MUCL1: variants seen among roughly 807,000 people sequenced by gnomAD.
MUCL1 encodes the protein mucin like 1.
MUCL1 carries 11 observed loss-of-function variants against 9.2 expected under a neutral mutation model. The observed-to-expected ratio is 1.19, with a 90% CI of 0.75 to 1.97. MUCL1 has a LOEUF of 1.97. Ranked by LOEUF, MUCL1 falls within the 30% of genes most tolerant of loss-of-function variation. The probability of loss-of-function intolerance (pLI) is 0.00; values close to 1 mark genes in which losing one functional copy is unlikely to be tolerated. For missense variants in MUCL1, 144 were observed against 110.9 expected (o/e 1.30, Z -1.34); for synonymous variants, 48 against 40.5 (o/e 1.19, Z -0.71).
upstream of MUCL1, among the ~76,000 whole-genome samples, chr12:54,854,093 A>T (rs1441736896): frequency 6.6e-6 from 1 of 152,178 alleles, no homozygotes; most frequent in East Asian, 1.9e-4. Context: ...TGGTCTTTGG[A>T]TCAGGCTGCT....
chr12:54,831,736 T>G (rs1959185692), intron 1 of MUCL1, among the ~76,000 whole-genome samples: 1 of 152,110 alleles, frequency 6.6e-6, no homozygotes, highest in Non-Finnish European at 1.5e-5. Flanking sequence ...ATAAAGAGAC[T>G]AAATATATTT....
At chr12:54,841,663 T>C (rs1216820124) in intron 1 of MUCL1, among the ~76,000 whole-genome samples, 1 of 152,206 alleles carries the variant, frequency 6.6e-6, no homozygotes, top group African/African-American at 2.4e-5. Flanking sequence ...TCTATTCAGA[T>C]TCTTTGTCTA....
chr12:54,832,483 A>AG (rs763912517), intron 1 of MUCL1, among the ~76,000 whole-genome samples: 28 of 152,060 alleles, frequency 1.8e-4, no homozygotes, highest in Admixed American at 1.1e-3. Flanking sequence ...AAAAGAGCTA[A>AG]GGGTTTTGTT....
At chr12:54,845,653 T>C (rs1257687057) in intron 1 of MUCL1, among the ~76,000 whole-genome samples, 1 of 152,138 alleles carries the variant, frequency 6.6e-6, no homozygotes, top group Non-Finnish European at 1.5e-5. Context: ...TTATGTGACC[T>C]GCAACTTGAG....
At chr12:54,840,825 C>A (rs1265115012) in intron 1 of MUCL1, among the ~76,000 whole-genome samples, 1 of 152,146 alleles carries the variant, frequency 6.6e-6, no homozygotes, top group Non-Finnish European at 1.5e-5. Flanking sequence ...GTAAACCCCA[C>A]CCAGCTCCCA....
intron 1 of MUCL1, among the ~76,000 whole-genome samples, chr12:54,848,375 T>C (rs756788767): frequency 3.9e-5 from 6 of 152,182 alleles, no homozygotes; most frequent in Non-Finnish European, 7.3e-5. Context: ...ATATGATTTT[T>C]GTGTGGAAGA....
At chr12:54,844,632 CT>C (rs1959233297) in intron 1 of MUCL1, among the ~76,000 whole-genome samples, 1 of 152,198 alleles carries the variant, frequency 6.6e-6, no homozygotes, top group Non-Finnish European at 1.5e-5. Flanking sequence ...TCTTACCTTT[CT>C]TTAGGCAAGA....
At chr12:54,855,500 AGCCAGTGTC>A in intron 2 of MUCL1, 1 of 272,088 alleles carries the variant, frequency 3.7e-6, no homozygotes, top group African/African-American at 2.2e-5. Flanking sequence ...CTGAATATAT[AGCCAGTGTC>A]AAAAAGAGAC....
chr12:54,857,457 C>G (rs931196523), intron 3 of MUCL1, among the ~76,000 whole-genome samples: 2 of 152,042 alleles, frequency 1.3e-5, no homozygotes, highest in African/African-American at 4.8e-5. Flanking sequence ...GTACATTCCT[C>G]CTATTCTGGG....
exon 1 of MUCL1, chr12:54,839,422 G>T (rs749097234): frequency 1.4e-6 from 1 of 702,040 alleles, no homozygotes; most frequent in Non-Finnish European, 2.6e-6. Context: ...GTGACCATGG[G>T]TATCAACTGG....
chr12:54,834,553 C>T (rs775860444), upstream of MUCL1, among the ~76,000 whole-genome samples: 2 of 151,862 alleles, frequency 1.3e-5, no homozygotes, highest in Admixed American at 6.6e-5. Flanking sequence ...GAAGTTGTTA[C>T]CACAATCCAA....
chr12:54,832,688 A>G lies in MUCL1; in HGVS notation n.357+1813A>G, dbSNP rs77658431. Among the ~76,000 whole-genome samples, 903 of 152,210 alleles carry G rather than the reference A, an allele frequency of 5.9e-3. 6 individuals carry two copies. Among genetic ancestry groups the G allele is most frequent in the African/African-American group, 0.02 (847 of 41,534 alleles). On this transcript the variant is annotated intron_variant and non_coding_transcript_variant, in intron 1 of 3. Transcript: ENST00000547990. ...CCTAAAACTGACTGAGACATCACAG[A>G]CGGCCCCTGGAAAATACCCAAGAGA...
At chr12:54,836,884 A>G (rs1959193678), upstream of MUCL1, among the ~76,000 whole-genome samples, 1 of 152,158 alleles carries the variant, frequency 6.6e-6, no homozygotes, top group Non-Finnish European at 1.5e-5. Flanking sequence ...ATGTATTTGT[A>G]TAGTTTTGAG....
chr12:54,835,671 G>C (rs1252435222), upstream of MUCL1, among the ~76,000 whole-genome samples: 1 of 150,138 alleles, frequency 6.7e-6, no homozygotes, highest in South Asian at 2.1e-4. Context: ...TCGTGGGAAT[G>C]CTTTCAACTT....
chr12:54,849,973 T>C (rs371458178), upstream of MUCL1, among the ~76,000 whole-genome samples: 3 of 152,164 alleles, frequency 2.0e-5, no homozygotes, highest in South Asian at 6.2e-4. Flanking sequence ...TTGCAGATTG[T>C]CTGCTTTCCC....
At chr12:54,848,308 G>A (rs1019009206) in intron 1 of MUCL1, among the ~76,000 whole-genome samples, 1 of 152,064 alleles carries the variant, frequency 6.6e-6, no homozygotes, top group Non-Finnish European at 1.5e-5. Context: ...ATTAGAGTGT[G>A]CAGTAATGAT....
chr12:54,855,115 G>A lies in MUCL1; in HGVS notation c.59-1G>A. ...CTTAATTTTTCCTTCTTCTCTTTCA[G>A]AGAATCCGACAACAGCTGCTCCAGC... On this transcript the variant is annotated splice_acceptor_variant, in intron 1 of 3. Transcript: ENST00000308796. LOFTEE classifies it high-confidence loss of function. 1 of 1,613,086 alleles carries A rather than the reference G, an allele frequency of 6.2e-7. No homozygotes were observed. Among genetic ancestry groups the A allele is most frequent in the Non-Finnish European group, 8.5e-7 (1 of 1,179,528 alleles).
chr12:54,841,164 C>T (rs1238391664), intron 1 of MUCL1, among the ~76,000 whole-genome samples: 2 of 152,134 alleles, frequency 1.3e-5, no homozygotes, highest in Admixed American at 6.5e-5. Context: ...AATGGAAGGG[C>T]TTCCTTCTTC....
chr12:54,852,735 T>G (rs980504099), upstream of MUCL1, among the ~76,000 whole-genome samples: 8 of 152,172 alleles, frequency 5.3e-5, no homozygotes, highest in Non-Finnish European at 1.2e-4. Flanking sequence ...TAGAAGACCC[T>G]TCAATTTGTG....
Sources: allele counts gnomAD v4.1 joint callset (sites outside exome capture counted in the v4.1 genomes callset), GRCh38; gene constraint gnomAD v4.1.1; transcripts MANE v1.5; gene names NCBI Gene and HGNC (gene_info 2026-07-23, HGNC 2026-07-21).